RAB38: variants seen among roughly 807,000 people sequenced by gnomAD.
The protein encoded by RAB38 is ras-related protein Rab-38.
In RAB38, 15 loss-of-function variants were observed where a neutral mutation model predicts 18.4. The observed-to-expected ratio is 0.82, with a 90% CI of 0.55 to 1.26. RAB38 has a LOEUF of 1.26. Among genes scored for constraint, RAB38 ranks in the 50% most tolerant of loss-of-function variants. The pLI is 0.00. For missense variants in RAB38, 294 were observed against 267.4 expected (o/e 1.10, Z -0.69); for synonymous variants, 101 against 104.4 (o/e 0.97, Z 0.20).
chr11:88,029,866 G>A, the RAB38 span, among the ~76,000 whole-genome samples: 1 of 152,084 alleles, frequency 6.6e-6, no homozygotes, highest in Non-Finnish European at 1.5e-5. Context: ...ACTCAGCTCT[G>A]CACCAAGCAG....
At chr11:87,850,640 T>TTTTC in the RAB38 span, among the ~76,000 whole-genome samples, 101 of 152,044 alleles carry the variant, frequency 6.6e-4, no homozygotes, top group African/African-American at 2.0e-3. Context: ...CTTCTTCGTC[T>TTTTC]TTTCTTCCCA....
chr11:88,117,801 G>T (rs970321883), intron 2 of RAB38, among the ~76,000 whole-genome samples: 18 of 152,110 alleles, frequency 1.2e-4, no homozygotes. Context: ...ACAAATGATT[G>T]TAAGTTAATA....
the RAB38 span, among the ~76,000 whole-genome samples, chr11:87,860,413 A>G: frequency 6.6e-6 from 1 of 152,034 alleles, no homozygotes; most frequent in Non-Finnish European, 1.5e-5. Flanking sequence ...ATTTATATGC[A>G]ATGTATACAA....
At chr11:87,965,013 T>G in the RAB38 span, among the ~76,000 whole-genome samples, 3 of 152,030 alleles carry the variant, frequency 2.0e-5, no homozygotes, top group Admixed American at 1.3e-4. Flanking sequence ...GTTAACATAT[T>G]CAGCCAGATA....
chr11:87,966,643 A>G, the RAB38 span, among the ~76,000 whole-genome samples: 1 of 152,204 alleles, frequency 6.6e-6, no homozygotes, highest in Non-Finnish European at 1.5e-5. Context: ...CACAGGTCAT[A>G]GATTTTTGGA....
At chr11:87,851,377 A>G in the RAB38 span, among the ~76,000 whole-genome samples, 2 of 152,182 alleles carry the variant, frequency 1.3e-5, no homozygotes, top group African/African-American at 4.8e-5. Context: ...CACTTAAAAT[A>G]AAAATGAGTC....
chr11:87,857,470 A>C, the RAB38 span, among the ~76,000 whole-genome samples: 5 of 152,236 alleles, frequency 3.3e-5, no homozygotes, highest in Admixed American at 6.5e-5. Flanking sequence ...ACTAGTTTAC[A>C]GTCCCACCAA....
chr11:88,173,189 T>C (rs1392186332), intron 1 of RAB38, among the ~76,000 whole-genome samples: 5 of 152,186 alleles, frequency 3.3e-5, no homozygotes, highest in Non-Finnish European at 7.3e-5. Flanking sequence ...CACAATTTAT[T>C]AGGAATTAAT....
At chr11:87,940,040 C>G in the RAB38 span, among the ~76,000 whole-genome samples, 1 of 151,086 alleles carries the variant, frequency 6.6e-6, no homozygotes, top group African/African-American at 2.4e-5. Flanking sequence ...ACCAGAAAAA[C>G]AGTAGAAAAG....
the RAB38 span, among the ~76,000 whole-genome samples, chr11:88,029,379 A>G: frequency 6.6e-6 from 1 of 151,596 alleles, no homozygotes; most frequent in South Asian, 2.1e-4. Context: ...ACACATAACA[A>G]TATTAACTTT....
intron 2 of RAB38, 112 bp downstream of exon 2, chr11:88,149,563 C>G: frequency 7.8e-7 from 1 of 1,286,956 alleles, no homozygotes; most frequent in Non-Finnish European, 1.1e-6. Flanking sequence ...AATGTGAAAA[C>G]CATACATCAC....
chr11:87,886,635 T>A, the RAB38 span, among the ~76,000 whole-genome samples: 1 of 151,898 alleles, frequency 6.6e-6, no homozygotes, highest in Non-Finnish European at 1.5e-5. Flanking sequence ...TTACATTAAC[T>A]CCATCTTAGT....
At chr11:88,077,527 G>T in the RAB38 span, among the ~76,000 whole-genome samples, 1 of 152,048 alleles carries the variant, frequency 6.6e-6, no homozygotes, top group Non-Finnish European at 1.5e-5. Flanking sequence ...ATTTCAACAA[G>T]GGAGCCAAGA....
chr11:88,009,952 T>G, the RAB38 span, among the ~76,000 whole-genome samples: 1 of 152,182 alleles, frequency 6.6e-6, no homozygotes, highest in African/African-American at 2.4e-5. Flanking sequence ...GAGACCCAAA[T>G]CTAAACATAG....
the RAB38 span, among the ~76,000 whole-genome samples, chr11:87,958,760 G>A: frequency 6.6e-6 from 1 of 152,038 alleles, no homozygotes; most frequent in Non-Finnish European, 1.5e-5. Context: ...TCTTGAACAG[G>A]GCATACGTTT....
At chr11:87,876,282 G>A in the RAB38 span, among the ~76,000 whole-genome samples, 1 of 151,538 alleles carries the variant, frequency 6.6e-6, no homozygotes, top group South Asian at 2.1e-4. Flanking sequence ...TCTAGAGATA[G>A]AAACCTTCTC....
the RAB38 span, among the ~76,000 whole-genome samples, chr11:88,022,736 A>G: frequency 6.6e-6 from 1 of 151,350 alleles, no homozygotes; most frequent in Admixed American, 6.6e-5. Flanking sequence ...TCTTTTTTAT[A>G]GCCATACAGT....
chr11:88,026,944 A>G, the RAB38 span, among the ~76,000 whole-genome samples: 1 of 152,172 alleles, frequency 6.6e-6, no homozygotes, highest in African/African-American at 2.4e-5. Context: ...ATTGGCCTGG[A>G]TACTCATTTT....
the RAB38 span, among the ~76,000 whole-genome samples, chr11:87,953,083 C>CTGATGATCATTTCATATATTCA: frequency 6.6e-6 from 1 of 151,994 alleles, no homozygotes; most frequent in Non-Finnish European, 1.5e-5. Flanking sequence ...ACACAGACTC[C>CTGATGATCATTTCATATATTCA]TGATGATCAT....
Sources: gnomAD v4.1 joint callset for allele counts (sites outside exome capture counted in the v4.1 genomes callset) on GRCh38, gnomAD v4.1.1 for gene constraint, MANE v1.5 for transcripts, NCBI Gene and HGNC (gene_info 2026-07-23, HGNC 2026-07-21) for gene names.